FAM185A: variants seen among roughly 807,000 people sequenced by gnomAD.
The protein encoded by FAM185A is family with sequence similarity 185 member A, also known as protein FAM185A.
In FAM185A, 21 loss-of-function variants were observed where a neutral mutation model predicts 45.7. The observed-to-expected ratio is 0.46, with a 90% confidence interval of 0.33 to 0.66. FAM185A has a LOEUF of 0.66. Ranked by LOEUF, FAM185A falls within the 30% of genes least tolerant of loss-of-function variation. FAM185A has a pLI of 0.03. For missense variants in FAM185A, 305 were observed against 485.4 expected, an observed-to-expected ratio of 0.63 and a Z score of 3.49; for synonymous variants, 117 against 194.0, an observed-to-expected ratio of 0.60 and a Z score of 3.30.
chr7:102,798,592 G>T (rs1488616233), intron 7 of FAM185A, among the ~76,000 whole-genome samples: 1 of 152,066 alleles, frequency 6.6e-6, no homozygotes, highest in East Asian at 1.9e-4. Context: ...ATATATTAAG[G>T]AAGAGATCTC....
the FAM185A span, among the ~76,000 whole-genome samples, chr7:102,844,366 T>A: frequency 6.6e-6 from 1 of 152,134 alleles, no homozygotes; most frequent in Non-Finnish European, 1.5e-5. Flanking sequence ...GACCCATACA[T>A]TCATCATTAC....
intron 3 of FAM185A, among the ~76,000 whole-genome samples, chr7:102,758,426 G>C (rs1793894274): frequency 1.0e-5 from 1 of 95,864 alleles, no homozygotes; most frequent in East Asian, 3.3e-4. Context: ...TGCTCTCACA[G>C]CTTTTTTTTT....
intron 6 of FAM185A, among the ~76,000 whole-genome samples, chr7:102,783,391 T>G (rs1795545275): frequency 6.6e-6 from 1 of 152,058 alleles, no homozygotes; most frequent in Non-Finnish European, 1.5e-5. Context: ...ATTGACCACT[T>G]AGTTGGAAGT....
chr7:102,834,135 AAAG>A, the FAM185A span, among the ~76,000 whole-genome samples: 912 of 66,692 alleles, frequency 0.014, 33 homozygotes, highest in South Asian at 0.037. Context: ...AGAAAGAAAG[AAAG>A]AAAAGAGAAG....
chr7:102,792,978 A>G (rs2537402), intron 7 of FAM185A, among the ~76,000 whole-genome samples: 1 of 152,342 alleles, frequency 6.6e-6, no homozygotes, highest in East Asian at 1.9e-4. Context: ...TGATATGACT[A>G]ACTCTTGGAA....
the FAM185A span, among the ~76,000 whole-genome samples, chr7:102,845,911 C>T: frequency 6.6e-6 from 1 of 152,332 alleles, no homozygotes; most frequent in East Asian, 1.9e-4. Context: ...TTTATCACAG[C>T]ATTATGACTA....
the FAM185A span, among the ~76,000 whole-genome samples, chr7:102,815,086 T>C: frequency 6.6e-6 from 1 of 152,156 alleles, no homozygotes; most frequent in African/African-American, 2.4e-5. Flanking sequence ...CACCATCAGT[T>C]TCATGTAACA....
At chr7:102,754,493 A>G (rs1423938253) in intron 2 of FAM185A, among the ~76,000 whole-genome samples, 2 of 152,396 alleles carry the variant, frequency 1.3e-5, no homozygotes, top group South Asian at 2.1e-4. Context: ...ACATAATAAA[A>G]TTTTTATAGC....
rs577090216 is a variant in FAM185A, at chr7:102,783,241, C to T, written c.932-4094C>T. 2.4e-3 allele frequency among the ~76,000 whole-genome samples: 360 copies of T among 152,034 alleles called. 2 individuals carry two copies. The highest frequency in any genetic ancestry group is 8.1e-3 in the African/African-American group (337 of 41,448). ...CTACTGTCAGCATTAGACAGATCAA[C>T]GAGACAGAAAGTTAACAAGGATATT... is the stretch of plus-strand genomic sequence containing the variant. On this transcript the variant is annotated intron_variant, in intron 6 of 7. Transcript: ENST00000413034.
the FAM185A span, among the ~76,000 whole-genome samples, chr7:102,834,069 G>GAA: frequency 8.8e-6 from 1 of 113,020 alleles, no homozygotes; most frequent in East Asian, 3.6e-4. Context: ...AGGAAGGAAG[G>GAA]AAGGAAGGAA....
intron 7 of FAM185A, among the ~76,000 whole-genome samples, chr7:102,799,466 T>C (rs1796643834): frequency 6.6e-6 from 1 of 152,238 alleles, no homozygotes; most frequent in Non-Finnish European, 1.5e-5. Flanking sequence ...GATCAGATGG[T>C]ACAAAGCATC....
intron 7 of FAM185A, among the ~76,000 whole-genome samples, chr7:102,789,145 G>C (rs1466174674): frequency 6.6e-6 from 1 of 152,118 alleles, no homozygotes; most frequent in Non-Finnish European, 1.5e-5. Context: ...ATTTATTCTA[G>C]AGATAGCTGC....
At chr7:102,836,892 T>C in the FAM185A span, among the ~76,000 whole-genome samples, 1 of 152,238 alleles carries the variant, frequency 6.6e-6, no homozygotes, top group Non-Finnish European at 1.5e-5. Flanking sequence ...TGCATACTCA[T>C]AACACCATCT....
At chr7:102,835,603 G>GGT in the FAM185A span, among the ~76,000 whole-genome samples, 2 of 97,524 alleles carry the variant, frequency 2.1e-5, no homozygotes, top group African/African-American at 8.2e-5. Flanking sequence ...AGGTGACATT[G>GGT]TTTTTTTTTT....
At chr7:102,826,756 TATATATATATATATA>T in the FAM185A span, among the ~76,000 whole-genome samples, 1 of 117,544 alleles carries the variant, frequency 8.5e-6, no homozygotes, top group African/African-American at 3.3e-5. Context: ...TATATATATA[TATATATATATATATA>T]TGTATATATA....
At chr7:102,774,266 C>T (rs559670189) in intron 5 of FAM185A, among the ~76,000 whole-genome samples, 1 of 152,242 alleles carries the variant, frequency 6.6e-6, no homozygotes, top group South Asian at 2.1e-4. Context: ...TATGTAAATA[C>T]AAATGATTTT....
chr7:102,813,026 A>G (rs1055904053), downstream of FAM185A, among the ~76,000 whole-genome samples: 1 of 151,990 alleles, frequency 6.6e-6, no homozygotes, highest in Non-Finnish European at 1.5e-5. Flanking sequence ...TATTTTTAGT[A>G]AAGATGGGGT....
chr7:102,821,366 C>A, the FAM185A span, among the ~76,000 whole-genome samples: 1 of 152,102 alleles, frequency 6.6e-6, no homozygotes, highest in African/African-American at 2.4e-5. Context: ...TTTCTTTTTT[C>A]CATTTCATTT....
At chr7:102,818,814 A>G in the FAM185A span, among the ~76,000 whole-genome samples, 2 of 152,178 alleles carry the variant, frequency 1.3e-5, no homozygotes, top group Non-Finnish European at 2.9e-5. Flanking sequence ...TTTTAGGTTC[A>G]GGAGTACATG....
Sources: allele counts gnomAD v4.1 joint callset (sites outside exome capture counted in the v4.1 genomes callset), GRCh38; gene constraint gnomAD v4.1.1; transcripts MANE v1.5; gene names NCBI Gene and HGNC (gene_info 2026-07-23, HGNC 2026-07-21).